SEC22B: variants seen among roughly 807,000 people sequenced by gnomAD.
SEC22B encodes SEC22 homolog B, vesicle trafficking protein.
SEC22B carries 10 observed loss-of-function variants against 31.4 expected under a neutral mutation model. That is an observed-to-expected ratio of 0.32 (90% CI 0.20 to 0.54). The LOEUF (loss-of-function observed/expected upper bound fraction) is 0.54. Ranked by LOEUF, SEC22B falls within the 20% of genes least tolerant of loss-of-function variation. The pLI, the probability that SEC22B is intolerant of heterozygous loss-of-function variation, is 0.94. For synonymous variants in SEC22B, 60 were observed against 95.9 expected (o/e 0.63, Z 2.19); for missense variants, 130 against 263.4 (o/e 0.49, Z 3.50).
intron 2 of SEC22B, among the ~76,000 whole-genome samples, chr1:120,165,175 G>A (rs1387760801): frequency 3.9e-5 from 6 of 151,916 alleles, no homozygotes; most frequent in African/African-American, 1.5e-4. Context: ...ATTCTATATG[G>A]TAAACTAGCA....
Position 120,151,225 on chromosome 1 carries a change from G to A in SEC22B, c.*5813C>T, listed in dbSNP as rs1225531896. On this transcript the variant is annotated 3_prime_UTR_variant, in exon 5 of 5. Transcript: ENST00000578049. ...AAGGCACAAGGTAAAATGTTTGACT[G>A]GTTAGAGACGCTAGATTATTTTGTG... The A allele has an allele frequency of 6.6e-5, 10 of 152,226 alleles. No individual in the cohort carries two copies. The highest frequency in any genetic ancestry group is 1.9e-4 in the African/African-American group (8 of 41,534). 9.4% of individuals were successfully genotyped at this position (152,226 alleles called of 1,614,324 possible). A position where few individuals can be genotyped will look rare whatever the true frequency, so the allele number is the denominator to read the frequency against.
In SEC22B at chr1:120,155,115, C is replaced by A. The variant is rs1433050429; in HGVS notation, c.*1923G>T. 1 of 151,576 alleles carries A rather than the reference C, an allele frequency of 6.6e-6. No individual in the cohort carries two copies. Among genetic ancestry groups the A allele is most frequent in the African/African-American group, 2.4e-5 (1 of 41,364 alleles). The allele number at this position is 151,576 out of a possible 1,614,324, so 9.4% of individuals were successfully genotyped here. A position where few individuals can be genotyped will look rare whatever the true frequency, so the allele number is the denominator to read the frequency against. ...TTGACAATTACCCCACCCCTTATTT[C>A]TTAATTAGCCCAACAAGATTAGATA... On this transcript the variant is annotated 3_prime_UTR_variant, in exon 5 of 5. Transcript: ENST00000578049.
At chr1:120,159,988 C>T (rs1313081115) in intron 4 of SEC22B, among the ~76,000 whole-genome samples, 2 of 141,808 alleles carry the variant, frequency 1.4e-5, no homozygotes, top group African/African-American at 3.0e-5. Context: ...CAGAGGAATG[C>T]CTTGATGAAA....
In SEC22B at chr1:120,166,855, TAC is replaced by T. The variant is rs1281397683; in HGVS notation, c.185+1983_185+1984del. Among the ~76,000 whole-genome samples the T allele has an allele frequency of 1.1e-3, 142 of 133,108 alleles. 1 individual carries two copies. Among genetic ancestry groups the T allele is most frequent in the African/African-American group, 4.8e-3 (136 of 28,510 alleles). 87.3% of individuals were successfully genotyped at this position (133,108 alleles called of 152,430 possible). Reference sequence around the variant, plus strand: ...AATATGCTAATTACTCTGATTTGATTACACATTGTATACATGTATTGAAATAT... The same window carrying T: ...AATATGCTAATTACTCTGATTTGATTACATTGTATACATGTATTGAAATAT... On this transcript the variant is annotated intron_variant, in intron 2 of 4. Transcript: ENST00000578049.
intron 3 of SEC22B, among the ~76,000 whole-genome samples, chr1:120,161,719 T>TAAAA: frequency 6.6e-6 from 1 of 151,784 alleles, no homozygotes; most frequent in Non-Finnish European, 1.5e-5. Context: ...AATAAATAAA[T>TAAAA]AAAAACTGAA....
chr1:120,159,955 T>C (rs1657686596), intron 4 of SEC22B, among the ~76,000 whole-genome samples: 1 of 124,288 alleles, frequency 8.0e-6, no homozygotes, highest in Non-Finnish European at 1.6e-5. Context: ...TCTTATCTTG[T>C]AGTCCCAGAT....
At chr1:120,160,808 G>C (rs1464335426) in intron 3 of SEC22B, among the ~76,000 whole-genome samples, 1 of 151,760 alleles carries the variant, frequency 6.6e-6, no homozygotes, top group African/African-American at 2.4e-5. Flanking sequence ...AGAATCACTT[G>C]AACTTGGGAG....
intron 3 of SEC22B, among the ~76,000 whole-genome samples, chr1:120,160,937 G>A (rs1657706175): frequency 6.6e-6 from 1 of 151,766 alleles, no homozygotes; most frequent in Non-Finnish European, 1.5e-5. Context: ...TTTATTCCTG[G>A]ATTTGCCACT....
intron 4 of SEC22B, 150 bp downstream of exon 4, chr1:120,160,234 T>C: frequency 2.0e-6 from 1 of 492,618 alleles, no homozygotes. Flanking sequence ...AAAAAATATA[T>C]TGGAAGCATT....
At chr1:120,171,795 A>G (rs1182892781) in intron 1 of SEC22B, among the ~76,000 whole-genome samples, 3 of 138,128 alleles carry the variant, frequency 2.2e-5, no homozygotes, top group Non-Finnish European at 4.5e-5. Flanking sequence ...GTTAATAAAC[A>G]CTGTTAACAT....
chr1:120,164,513 T>C, intron 2 of SEC22B, among the ~76,000 whole-genome samples: 1 of 150,710 alleles, frequency 6.6e-6, no homozygotes, highest in Non-Finnish European at 1.5e-5. Flanking sequence ...TAAATGAGAA[T>C]ATACAGTATT....
At chr1:120,167,649 C>T (rs1380676127) in intron 2 of SEC22B, among the ~76,000 whole-genome samples, 260 of 151,788 alleles carry the variant, frequency 1.7e-3, no homozygotes, top group African/African-American at 6.2e-3. Flanking sequence ...GAGTATATGT[C>T]TCTCTCTCTA....
At chr1:120,163,414 T>C (rs1657751342) in intron 2 of SEC22B, 44 bp from the exon 3 acceptor site, 11 of 1,309,754 alleles carry the variant, frequency 8.4e-6, no homozygotes, top group African/African-American at 7.9e-5. Context: ...TGTAAAGTAA[T>C]AGCACTGACA....
At position 120,151,189 on chromosome 1, in the gene SEC22B, C is replaced by G. The variant is rs587641109; in HGVS notation, c.*5849G>C. On this transcript the variant is annotated 3_prime_UTR_variant, in exon 5 of 5. Transcript: ENST00000578049. ...AGAAAGATATTCTGGAGAAAAGGCA[C>G]AGAGTGAGCCAAGGCACAAGGTAAA... The G allele has an allele frequency of 6.6e-6, 1 of 152,046 alleles. No homozygotes were observed. The highest frequency in any genetic ancestry group is 6.6e-5 in the Admixed American group (1 of 15,266). The allele number at this position is 152,046 out of a possible 1,614,324, so 9.4% of individuals were successfully genotyped here. A position where few individuals can be genotyped will look rare whatever the true frequency, so the allele number is the denominator to read the frequency against.
Position 120,176,360 on chromosome 1 carries a change from C to T in SEC22B, c.22G>A (p.Ala8Thr), listed in dbSNP as rs1657964737. The change falls in exon 1 of 5, where the codon GCC (alanine) becomes ACC (threonine). Residue 8 changes from alanine to threonine, a missense_variant. By Grantham distance (58) the Ala-to-Thr change is moderately conservative. This residue lies in a region of SEC22B where 32 missense variants were observed against 26.3 expected (regional missense o/e 1.22). Transcript: ENST00000578049. MVLLTMI[A>T]RVADGLPLAA... ...AGCGGGAGCCCGTCCGCCACTCGGGCGATCATTGTTAGCAACACCATCTTC... is the reference window on the plus strand; with the variant it reads ...AGCGGGAGCCCGTCCGCCACTCGGGTGATCATTGTTAGCAACACCATCTTC... 2.5e-6 allele frequency: 4 copies of T among 1,613,570 alleles called. No individual in the cohort carries two copies. The highest frequency in any genetic ancestry group is 2.2e-5 in the East Asian group (1 of 44,882).
At chr1:120,166,084 G>A (rs1408258839) in intron 2 of SEC22B, among the ~76,000 whole-genome samples, 6 of 150,528 alleles carry the variant, frequency 4.0e-5, no homozygotes, top group South Asian at 4.2e-4. Context: ...AAACCACAAC[G>A]ACATATTATT....
rs1412027321 is a variant in SEC22B, at chr1:120,156,300, G to A, written c.*738C>T. 3 of 151,938 alleles carry A rather than the reference G, an allele frequency of 2.0e-5. No homozygotes were observed. Among genetic ancestry groups the A allele is most frequent in the Admixed American group, 2.0e-4 (3 of 15,226 alleles). 9.4% of individuals were successfully genotyped at this position (151,938 alleles called of 1,614,324 possible). A position where few individuals can be genotyped will look rare whatever the true frequency, so the allele number is the denominator to read the frequency against. ...AATGCTGCAAAATAAAAGTAATAATGACCCAAACTAATTTAAGTCTTTTGT... is the reference window on the plus strand; with the variant it reads ...AATGCTGCAAAATAAAAGTAATAATAACCCAAACTAATTTAAGTCTTTTGT... On this transcript the variant is annotated 3_prime_UTR_variant, in exon 5 of 5. Coordinates refer to ENST00000578049, the MANE Select transcript of SEC22B (RefSeq NM_004892.6).
intron 2 of SEC22B, among the ~76,000 whole-genome samples, chr1:120,165,188 C>G (rs1410980954): frequency 1.3e-5 from 2 of 152,056 alleles, no homozygotes; most frequent in African/African-American, 4.8e-5. Context: ...AACTAGCATA[C>G]ACATATTTAA....
chr1:120,160,149 G>A (rs1164649826), intron 4 of SEC22B, among the ~76,000 whole-genome samples: 1 of 147,952 alleles, frequency 6.8e-6, no homozygotes, highest in African/African-American at 2.6e-5. Flanking sequence ...GAATATCTTA[G>A]AAATAATCAT....
Sources: allele counts gnomAD v4.1 joint callset (sites outside exome capture counted in the v4.1 genomes callset), GRCh38; gene constraint gnomAD v4.1.1; regional missense constraint gnomAD v4.1.1; transcripts MANE v1.5; gene names NCBI Gene and HGNC (gene_info 2026-07-23, HGNC 2026-07-21).